FGF1: variants seen among roughly 807,000 people sequenced by gnomAD.
FGF1 encodes the protein fibroblast growth factor 1.
In FGF1, 9 loss-of-function variants were observed where a neutral mutation model predicts 13.4. The observed-to-expected ratio is 0.67, with a 90% CI of 0.40 to 1.17. The LOEUF is 1.17. FGF1 is among the 50% of genes most tolerant of loss of function. FGF1 has a pLI of 0.01. For synonymous variants in FGF1, 93 were observed against 79.0 expected, an observed-to-expected ratio of 1.18 and a Z score of -0.94; for missense variants, 156 against 192.7, an observed-to-expected ratio of 0.81 and a Z score of 1.13.
At chr5:142,696,293 A>G (rs1753099461) in intron 2 of FGF1, among the ~76,000 whole-genome samples, 1 of 152,220 alleles carries the variant, frequency 6.6e-6, no homozygotes. Flanking sequence ...ATTGCAAAAA[A>G]GCAACATAGA....
At chr5:142,627,424 C>T (rs11743838) in intron 1 of FGF1, among the ~76,000 whole-genome samples, 7,312 of 152,206 alleles carry the variant, frequency 0.048, 218 homozygotes, top group Admixed American at 0.064. Flanking sequence ...CAGCCTCCCT[C>T]AAAACATTAA....
At chr5:142,645,971 C>G (rs950138249) in intron 1 of FGF1, among the ~76,000 whole-genome samples, 1 of 152,154 alleles carries the variant, frequency 6.6e-6, no homozygotes. Flanking sequence ...CGCAGTGGTG[C>G]GATCTTGGCT....
chr5:142,612,212 C>G (rs146213766), intron 2 of FGF1, among the ~76,000 whole-genome samples: 2 of 152,320 alleles, frequency 1.3e-5, no homozygotes, highest in East Asian at 3.9e-4. Context: ...CCACTGTGGA[C>G]TCCAGAAGTT....
intron 2 of FGF1, among the ~76,000 whole-genome samples, chr5:142,608,904 C>T (rs1039251512): frequency 6.6e-6 from 1 of 151,590 alleles, no homozygotes. Flanking sequence ...TCACATATGA[C>T]CGAGGTGAGA....
chr5:142,606,214 CTCTCTG>C (rs1421844544), intron 2 of FGF1, among the ~76,000 whole-genome samples: 3 of 71,034 alleles, frequency 4.2e-5, no homozygotes, highest in Non-Finnish European at 8.6e-5. Context: ...CATTCTTTCT[CTCTCTG>C]TGTGTGTGTG....
At chr5:142,697,383 A>G (rs1753296429) in intron 2 of FGF1, among the ~76,000 whole-genome samples, 1 of 152,122 alleles carries the variant, frequency 6.6e-6, no homozygotes. Flanking sequence ...CTGCTTCCCC[A>G]CTAAGAACCA....
chr5:142,636,452 C>T (rs180824179), intron 1 of FGF1, among the ~76,000 whole-genome samples: 6 of 152,296 alleles, frequency 3.9e-5, no homozygotes, highest in African/African-American at 1.2e-4. Flanking sequence ...GTTTAACAAT[C>T]GGAGGACTCA....
chr5:142,624,348 T>A (rs1339839506), intron 1 of FGF1, among the ~76,000 whole-genome samples: 1 of 152,254 alleles, frequency 6.6e-6, no homozygotes, highest in African/African-American at 2.4e-5. Context: ...ATTACAGGCA[T>A]AAGCCATCAC....
At chr5:142,663,482 T>C (rs1047548681) in intron 1 of FGF1, among the ~76,000 whole-genome samples, 1 of 152,112 alleles carries the variant, frequency 6.6e-6, no homozygotes, top group African/African-American at 2.4e-5. Context: ...TTTAAAGAGA[T>C]GGGGAAGATC....
chr5:142,676,073 C>A (rs72796616), intron 1 of FGF1, among the ~76,000 whole-genome samples: 26,972 of 152,050 alleles, frequency 0.18, 2,564 homozygotes, highest in African/African-American at 0.19. Flanking sequence ...TAGTTCTAGG[C>A]TCCTGACATG....
intron 1 of FGF1, among the ~76,000 whole-genome samples, chr5:142,661,252 A>G (rs961565524): frequency 6.6e-6 from 1 of 151,952 alleles, no homozygotes; most frequent in Non-Finnish European, 1.5e-5. Context: ...AAGATGCTCA[A>G]CCCCATTTGC....
At chr5:142,696,246 G>A (rs918956189) in intron 2 of FGF1, among the ~76,000 whole-genome samples, 1 of 152,158 alleles carries the variant, frequency 6.6e-6, no homozygotes, top group African/African-American at 2.4e-5. Context: ...TAAGAGGGAG[G>A]AGCTGCTATC....
chr5:142,620,311 G>A (rs1761297678), intron 1 of FGF1, among the ~76,000 whole-genome samples: 1 of 152,034 alleles, frequency 6.6e-6, no homozygotes, highest in Non-Finnish European at 1.5e-5. Flanking sequence ...CCAGCTGCTG[G>A]GGAGGCTGAG....
intron 2 of FGF1, among the ~76,000 whole-genome samples, chr5:142,691,366 G>A (rs1283742496): frequency 1.3e-5 from 2 of 151,746 alleles, no homozygotes; most frequent in African/African-American, 4.9e-5. Flanking sequence ...AGGTTGCAGT[G>A]AGCCGAGATA....
chr5:142,659,053 C>G (rs1768680913), intron 1 of FGF1, among the ~76,000 whole-genome samples: 1 of 151,958 alleles, frequency 6.6e-6, no homozygotes, highest in Non-Finnish European at 1.5e-5. Flanking sequence ...CTGGTGTTGG[C>G]GTGTGTTGGG....
At chr5:142,633,040 C>T (rs1020527337) in intron 1 of FGF1, among the ~76,000 whole-genome samples, 2 of 151,950 alleles carry the variant, frequency 1.3e-5, no homozygotes, top group African/African-American at 2.4e-5. Flanking sequence ...CTGCCTCAGC[C>T]TCCTGAGTAG....
At chr5:142,666,890 T>C (rs909216038) in intron 1 of FGF1, among the ~76,000 whole-genome samples, 3 of 150,772 alleles carry the variant, frequency 2.0e-5, no homozygotes, top group African/African-American at 7.3e-5. Context: ...TGAGCTGTGA[T>C]AGTGCCACTG....
At chr5:142,679,422 G>A (rs1291746886) in intron 1 of FGF1, among the ~76,000 whole-genome samples, 1 of 152,216 alleles carries the variant, frequency 6.6e-6, no homozygotes, top group Non-Finnish European at 1.5e-5. Flanking sequence ...CCCCTGCCAT[G>A]TGGTTTTTCA....
chr5:142,645,159 C>G (rs541802656), intron 1 of FGF1, among the ~76,000 whole-genome samples: 57 of 152,108 alleles, frequency 3.7e-4, no homozygotes, highest in Non-Finnish European at 7.5e-4. Flanking sequence ...TGGCATTACT[C>G]ATGGTGAAGG....
Sources: allele counts gnomAD v4.1 joint callset (sites outside exome capture counted in the v4.1 genomes callset), GRCh38; gene constraint gnomAD v4.1.1; transcripts MANE v1.5; gene names NCBI Gene and HGNC (gene_info 2026-07-23, HGNC 2026-07-21).